The following MX1 variants were observed in gnomAD, a reference collection of about 807,000 sequenced individuals.
MX1 encodes MX dynamin like GTPase 1.
A neutral mutation model predicts 66.4 loss-of-function variants in MX1; 66 were observed. That is an observed-to-expected ratio of 0.99 (90% CI 0.82 to 1.22). The LOEUF is 1.22. MX1 is among the 50% of genes most tolerant of loss of function. The pLI, the probability that MX1 is intolerant of heterozygous loss-of-function variation, is 0.00. For synonymous variants in MX1, 311 were observed against 318.1 expected (o/e 0.98, Z 0.24); for missense variants, 787 against 834.3 (o/e 0.94, Z 0.70).
intron 13 of MX1, among the ~76,000 whole-genome samples, chr21:41,447,640 T>C (rs1373839816): frequency 1.3e-5 from 2 of 152,152 alleles, no homozygotes; most frequent in East Asian, 1.9e-4. Flanking sequence ...TGGGAAGTTA[T>C]CACTGATGGG....
At chr21:41,431,054 G>T (rs1202107312) in intron 4 of MX1, among the ~76,000 whole-genome samples, 2 of 152,128 alleles carry the variant, frequency 1.3e-5, no homozygotes, top group Non-Finnish European at 2.9e-5. Flanking sequence ...ACGGGGTCTC[G>T]CTCTGTCGCC....
At chr21:41,440,505 A>T (rs2090477479) in intron 8 of MX1, among the ~76,000 whole-genome samples, 2 of 152,212 alleles carry the variant, frequency 1.3e-5, no homozygotes, top group Non-Finnish European at 2.9e-5. Flanking sequence ...CAAAACAAGC[A>T]AGAAAGAAAT....
chr21:41,437,268 C>T (rs2090391308), intron 7 of MX1, 116 bp downstream of exon 7: 5 of 1,128,144 alleles, frequency 4.4e-6, no homozygotes, highest in Non-Finnish European at 5.1e-6. Flanking sequence ...CTTTCTCCTG[C>T]ACATCAGGCC....
upstream of MX1, among the ~76,000 whole-genome samples, chr21:41,425,096 GTTAC>G (rs948939951): frequency 2.0e-5 from 3 of 152,174 alleles, no homozygotes; most frequent in African/African-American, 7.2e-5. Flanking sequence ...TAGCCTATGT[GTTAC>G]TTCTAAATAG....
At chr21:41,450,754 G>C (rs935281327) in intron 14 of MX1, among the ~76,000 whole-genome samples, 1 of 151,808 alleles carries the variant, frequency 6.6e-6, no homozygotes, top group Non-Finnish European at 1.5e-5. Flanking sequence ...AAAAATAAAA[G>C]ATAAATAATA....
intron 10 of MX1, among the ~76,000 whole-genome samples, chr21:41,443,098 T>A (rs1478231369): frequency 1.3e-5 from 2 of 152,254 alleles, no homozygotes; most frequent in African/African-American, 4.8e-5. Context: ...GATGGTTAAA[T>A]GGTCAATTTT....
Position 41,452,836 on chromosome 21 carries a change from G to A in MX1, c.1725G>A (p.Glu575=), listed in dbSNP as rs147217223. The change falls in exon 16 of 17, where the codon GAG becomes GAA. Residue 575 remains glutamate, a synonymous_variant. Transcript: ENST00000398598. Reference sequence around the variant, plus strand: ...GCTCGGCAACAGACTCTTCCATGGAGGAGATCTTTCAGCACCTGATGGCCT... The same window carrying A: ...GCTCGGCAACAGACTCTTCCATGGAAGAGATCTTTCAGCACCTGATGGCCT... The part of the protein sequence containing the change: ...QSSSATDSSM[E]EIFQHLMAYH... The A allele has an allele frequency of 1.4e-5, 22 of 1,614,154 alleles. No homozygotes were observed. The African/African-American group carries it at 2.3e-4, about 17-fold the overall frequency.
chr21:41,449,955 A>T (rs188381787), intron 14 of MX1, among the ~76,000 whole-genome samples: 2,219 of 152,284 alleles, frequency 0.015, 33 homozygotes, highest in Non-Finnish European at 0.017. Flanking sequence ...GCCCGGCCCC[A>T]ATCCTGAAGC....
At chr21:41,451,278 AG>A in intron 15 of MX1, 35 bp downstream of exon 15, 4 of 1,317,294 alleles carry the variant, frequency 3.0e-6, no homozygotes, top group Non-Finnish European at 3.2e-6. Flanking sequence ...AAAAAAAAAA[AG>A]AAAAGAAATT....
In MX1 at chr21:41,452,181, CT is replaced by C. The variant is rs1255740370; in HGVS notation, c.1510-439del. Among the ~76,000 whole-genome samples the C allele has an allele frequency of 3.9e-5, 6 of 152,336 alleles. No individual in the cohort carries two copies. In the East Asian group the frequency reaches 1.2e-3, roughly 29 times the overall value. On this transcript the variant is annotated intron_variant, in intron 15 of 16. Transcript: ENST00000398598. Reference sequence around the variant, plus strand: ...GGAGGGTCCAGGGGTGAAGTTTCTCCTCCTCAGGTTTTGGCAACCAGTTTCT... The same window carrying C: ...GGAGGGTCCAGGGGTGAAGTTTCTCCCCTCAGGTTTTGGCAACCAGTTTCT...
chr21:41,431,212 G>A (rs895513050), intron 4 of MX1, among the ~76,000 whole-genome samples: 4 of 152,112 alleles, frequency 2.6e-5, no homozygotes, highest in African/African-American at 9.7e-5. Flanking sequence ...TAGTAGAGAT[G>A]GGGTTTCACT....
intron 11 of MX1, among the ~76,000 whole-genome samples, chr21:41,444,330 T>C (rs1055473698): frequency 1.6e-5 from 2 of 127,402 alleles, no homozygotes; most frequent in African/African-American, 3.0e-5. Flanking sequence ...TTTTTTTTTT[T>C]TTTTTTTTTT....
Position 41,458,593 on chromosome 21 carries a change from C to T in MX1, c.1824C>T (p.Tyr608=), listed in dbSNP as rs764441180. Residue 608 remains tyrosine, a synonymous_variant, in exon 17 of 17, where the codon TAC becomes TAT. Transcript: ENST00000398598. ...LIIQFFMLQT[Y]GQQLQKAMLQ... is the part of the protein sequence containing the mutation. ...TCCAGTTCTTCATGCTCCAGACGTA[C>T]GGCCAGCAGCTTCAGAAGGCCATGC... The T allele has an allele frequency of 2.4e-5, 39 of 1,609,494 alleles. No homozygotes were observed. The highest frequency in any genetic ancestry group is 1.8e-4 in the East Asian group (8 of 44,620).
At chr21:41,423,450 C>A (rs757092908), upstream of MX1, among the ~76,000 whole-genome samples, 4 of 152,208 alleles carry the variant, frequency 2.6e-5, no homozygotes, top group South Asian at 8.3e-4. Flanking sequence ...TGTCCCTCCC[C>A]CTGTGCTCTC....
intron 16 of MX1, among the ~76,000 whole-genome samples, chr21:41,454,908 C>CTT (rs36105889): frequency 2.8e-5 from 4 of 141,438 alleles, no homozygotes; most frequent in South Asian, 2.3e-4. Flanking sequence ...TTCTGCCTTT[C>CTT]TTTTTTTTTT....
rs1183146169 is a variant in MX1 at position 41,445,999 on chromosome 21, G to A, written c.1132-1G>A. ...TATACTGATGTTTTTCTTCTTGACA[G>A]AAAGTTAATGCCTTTAATCAGGACA... On this transcript the variant is annotated splice_acceptor_variant, in intron 12 of 16. Transcript: ENST00000398598. LOFTEE classifies it high-confidence loss of function. The A allele has an allele frequency of 6.2e-7, 1 of 1,613,410 alleles. No homozygotes were observed. The highest frequency in any genetic ancestry group is 8.5e-7 in the Non-Finnish European group (1 of 1,179,478).
intron 5 of MX1, among the ~76,000 whole-genome samples, chr21:41,433,018 T>C (rs947669212): frequency 2.0e-5 from 3 of 152,214 alleles, no homozygotes; most frequent in Non-Finnish European, 4.4e-5. Flanking sequence ...TGTCAGGGTA[T>C]GGGGCAGGAG....
intron 5 of MX1, 133 bp downstream of exon 5, chr21:41,432,308 C>T: frequency 1.3e-6 from 1 of 776,106 alleles, no homozygotes; most frequent in South Asian, 1.6e-5. Context: ...GGACGCAGAT[C>T]CTGACCCTCT....
intron 13 of MX1, among the ~76,000 whole-genome samples, chr21:41,446,651 G>A (rs1398650181): frequency 2.0e-5 from 3 of 152,218 alleles, no homozygotes; most frequent in Non-Finnish European, 4.4e-5. Context: ...CTTGACATGG[G>A]ATTGCCACAG....
Sources: allele counts gnomAD v4.1 joint callset (sites outside exome capture counted in the v4.1 genomes callset), GRCh38; gene constraint gnomAD v4.1.1; transcripts MANE v1.5; gene names NCBI Gene and HGNC (gene_info 2026-07-23, HGNC 2026-07-21).